Variants in FBXO34 observed in about 807,000 individuals in gnomAD.
FBXO34 encodes the protein F-box protein 34, also known as F-box only protein 34.
FBXO34 carries 12 observed loss-of-function variants against 24.5 expected under a neutral mutation model. The observed-to-expected ratio is 0.49, with a 90% CI of 0.31 to 0.79. The LOEUF (loss-of-function observed/expected upper bound fraction) is 0.79. Among genes scored for constraint, FBXO34 ranks in the 30% least tolerant of loss-of-function variants. The probability of loss-of-function intolerance (pLI) is 0.04; values close to 1 mark genes in which losing one functional copy is unlikely to be tolerated. For synonymous variants in FBXO34, 320 were observed against 311.9 expected (o/e 1.03, Z -0.27); for missense variants, 823 against 857.7 (o/e 0.96, Z 0.51).
intron 1 of FBXO34, among the ~76,000 whole-genome samples, chr14:55,304,513 A>G (rs1298255341): frequency 6.6e-6 from 1 of 151,226 alleles, no homozygotes; most frequent in Non-Finnish European, 1.5e-5. Flanking sequence ...CTGCTTTTCC[A>G]TTTTTGAGAC....
the FBXO34 span, among the ~76,000 whole-genome samples, chr14:55,439,622 C>CCCCCGCCCCG: frequency 7.2e-6 from 1 of 138,100 alleles, no homozygotes; most frequent in Non-Finnish European, 1.6e-5. Context: ...AAACCCCCCC[C>CCCCCGCCCCG]CGTCTCTACT....
chr14:55,378,563 C>T, the FBXO34 span, among the ~76,000 whole-genome samples: 35 of 152,326 alleles, frequency 2.3e-4, no homozygotes, highest in East Asian at 2.7e-3. Context: ...TTTTTACCCA[C>T]AGCCTCTTTC....
At chr14:55,370,056 TGCA>T, downstream of FBXO34, 1 of 727,876 alleles carries the variant, frequency 1.4e-6, no homozygotes, top group Non-Finnish European at 2.1e-6. Context: ...CCCAAGTCTA[TGCA>T]GCACTCCGTG....
rs774052421 is a variant in FBXO34, at chr14:55,351,963, A to C, written c.1573A>C (p.Ser525Arg). The C allele has an allele frequency of 6.2e-7, 1 of 1,614,134 alleles. No individual in the cohort carries two copies. Among genetic ancestry groups the C allele is most frequent in the South Asian group, 1.1e-5 (1 of 91,080 alleles). The change falls in exon 2 of 2, where the codon AGT becomes CGT. Residue 525 changes from serine to arginine, a missense_variant. Physicochemically the swap from Ser to Arg is moderately radical, Grantham distance 110 (BLOSUM62 -1). This residue lies in a region of FBXO34 where 693 missense variants were observed against 659.1 expected (regional missense o/e 1.05). Transcript: ENST00000313833. ...AGGDSASEEKSGSAEPFVLPA... is the reference protein window; with the variant it reads ...AGGDSASEEKRGSAEPFVLPA... ...GGGTGACAGTGCATCTGAGGAAAAA[A>C]GTGGGTCTGCTGAGCCATTTGTACT...
intron 1 of FBXO34, among the ~76,000 whole-genome samples, chr14:55,283,126 T>A (rs899278675): frequency 6.6e-6 from 1 of 152,210 alleles, no homozygotes; most frequent in African/African-American, 2.4e-5. Flanking sequence ...ATATTTTAGC[T>A]CATTTGTGGA....
rs1198491182 is a variant in FBXO34 at position 55,331,669 on chromosome 14, GTGTATATATATATA to G, written c.-10-18708_-10-18695del. ...AAATATATATATACCAACATGGTGT[GTGTATATATATATA>G]TGTGTATATATATATATATATGTAT... On this transcript the variant is annotated intron_variant, in intron 1 of 1. Transcript: ENST00000313833. Among the ~76,000 whole-genome samples, 14 of 49,292 alleles carry G rather than the reference GTGTATATATATATA, an allele frequency of 2.8e-4. 1 individual carries two copies. Among genetic ancestry groups the G allele is most frequent in the African/African-American group, 1.4e-3 (13 of 9,224 alleles). 32.3% of individuals were successfully genotyped at this position (49,292 alleles called of 152,430 possible).
intron 1 of FBXO34, among the ~76,000 whole-genome samples, chr14:55,303,550 A>G (rs1030662291): frequency 8.6e-5 from 13 of 151,926 alleles, no homozygotes; most frequent in African/African-American, 2.9e-4. Context: ...CAAGTATCAC[A>G]AAGTAGAATT....
At chr14:55,399,618 T>C in the FBXO34 span, among the ~76,000 whole-genome samples, 4 of 152,254 alleles carry the variant, frequency 2.6e-5, no homozygotes, top group East Asian at 5.8e-4. Context: ...TCACTTGTTA[T>C]ATGCTTCTGT....
chr14:55,409,641 C>G, the FBXO34 span, among the ~76,000 whole-genome samples: 4 of 151,836 alleles, frequency 2.6e-5, no homozygotes, highest in Non-Finnish European at 4.4e-5. Flanking sequence ...CTGCGAAGGT[C>G]CTGAGGAAGG....
chr14:55,324,749 C>T (rs951012332), intron 1 of FBXO34, among the ~76,000 whole-genome samples: 1 of 152,044 alleles, frequency 6.6e-6, no homozygotes, highest in Admixed American at 6.6e-5. Context: ...AAGAAGTTTT[C>T]CTCTATCCCT....
the FBXO34 span, among the ~76,000 whole-genome samples, chr14:55,422,322 T>G: frequency 6.6e-6 from 1 of 152,128 alleles, no homozygotes; most frequent in African/African-American, 2.4e-5. Flanking sequence ...CTCAGCTCAC[T>G]GCAACCTCCA....
chr14:55,344,546 ATTTT>A (rs3085086), intron 1 of FBXO34, among the ~76,000 whole-genome samples: 14 of 138,990 alleles, frequency 1.0e-4, no homozygotes, highest in Non-Finnish European at 1.4e-4. Context: ...GTGTATGTGT[ATTTT>A]TTTTTTTTTT....
In FBXO34 at chr14:55,353,222, G is replaced by A; in HGVS notation, c.*696G>A. 6.0e-6 allele frequency: 1 copy of A among 166,676 alleles called. No individual in the cohort carries two copies. The allele number at this position is 166,676 out of a possible 1,614,324, so 10.3% of individuals were successfully genotyped here. ...AGTTGTATATAATGGACAGCTAACG[G>A]AACAATATAATCACCACAATGCAGC... On this transcript the variant is annotated 3_prime_UTR_variant, in exon 2 of 2. Transcript: ENST00000313833.
intron 1 of FBXO34, among the ~76,000 whole-genome samples, chr14:55,344,520 C>T (rs559175770): frequency 6.7e-6 from 1 of 150,086 alleles, no homozygotes; most frequent in Admixed American, 6.6e-5. Context: ...GGCACTCAAG[C>T]CCAATGTTAA....
At chr14:55,411,904 A>AG in the FBXO34 span, 25 of 1,310,216 alleles carry the variant, frequency 1.9e-5, no homozygotes, top group East Asian at 1.0e-4. Context: ...GGCCTGGGGA[A>AG]GGGGGGCTGG....
chr14:55,369,531 A>G, downstream of FBXO34: 2 of 1,244,456 alleles, frequency 1.6e-6, no homozygotes, highest in Non-Finnish European at 2.2e-6. Context: ...TCCAGACACT[A>G]TCTTAACTTA....
chr14:55,432,895 C>T, the FBXO34 span, among the ~76,000 whole-genome samples: 6 of 152,276 alleles, frequency 3.9e-5, no homozygotes, highest in Non-Finnish European at 8.8e-5. Flanking sequence ...TAAGGGATGC[C>T]TCCTGAGCTA....
At chr14:55,284,251 C>T (rs914017420) in intron 1 of FBXO34, among the ~76,000 whole-genome samples, 4 of 152,076 alleles carry the variant, frequency 2.6e-5, no homozygotes, top group African/African-American at 9.7e-5. Flanking sequence ...CGGTGGCTCA[C>T]GCTTGCAGTC....
Position 55,324,392 on chromosome 14 carries a change from A to G in FBXO34, c.-10-25989A>G, listed in dbSNP as rs754253871. On this transcript the variant is annotated intron_variant, in intron 1 of 1. Transcript: ENST00000313833. ...TTTATCTATTCTGAGTAGTGCTGCT[A>G]TAAACATTTGTATATAATTATTGGT... Among the ~76,000 whole-genome samples the G allele has an allele frequency of 5.9e-5, 9 of 152,186 alleles. No individual in the cohort carries two copies. In the South Asian group the frequency reaches 1.0e-3, roughly 18 times the overall value.
Sources: allele counts gnomAD v4.1 joint callset (sites outside exome capture counted in the v4.1 genomes callset), GRCh38; gene constraint gnomAD v4.1.1; regional missense constraint gnomAD v4.1.1; transcripts MANE v1.5; gene names NCBI Gene and HGNC (gene_info 2026-07-23, HGNC 2026-07-21).